COPG2: variants seen among roughly 807,000 people sequenced by gnomAD.
The protein encoded by COPG2 is coat protein complex I subunit gamma 2.
A neutral mutation model predicts 46.3 loss-of-function variants in COPG2; 37 were observed. The observed-to-expected ratio is 0.80, with a 90% confidence interval of 0.61 to 1.05. The LOEUF (loss-of-function observed/expected upper bound fraction) is 1.05, where lower values mean the gene tolerates loss of function less well. COPG2 is among the 50% of genes least tolerant of loss of function. The pLI, the probability that COPG2 is intolerant of heterozygous loss-of-function variation, is 0.00. For synonymous variants in COPG2, 159 were observed against 129.7 expected, an observed-to-expected ratio of 1.23 and a Z score of -1.53; for missense variants, 427 against 387.8, an observed-to-expected ratio of 1.10 and a Z score of -0.85.
chr7:130,546,633 G>A (rs1448359220), intron 20 of COPG2, among the ~76,000 whole-genome samples: 1 of 152,134 alleles, frequency 6.6e-6, no homozygotes, highest in Non-Finnish European at 1.5e-5. Context: ...AATCTACCTC[G>A]TGCTAGAGTC....
At chr7:130,596,661 T>C (rs1189757134) in intron 9 of COPG2, among the ~76,000 whole-genome samples, 1 of 152,158 alleles carries the variant, frequency 6.6e-6, no homozygotes, top group Non-Finnish European at 1.5e-5. Context: ...GTCAAGAGCC[T>C]GGACACTGGC....
chr7:130,615,752 T>C (rs1584581350), intron 6 of COPG2, among the ~76,000 whole-genome samples: 1 of 152,150 alleles, frequency 6.6e-6, no homozygotes, highest in Non-Finnish European at 1.5e-5. Flanking sequence ...TACTGTTTGG[T>C]GGCCAAGAGT....
chr7:130,539,067 G>A (rs1364276574), intron 20 of COPG2, among the ~76,000 whole-genome samples: 1 of 152,146 alleles, frequency 6.6e-6, no homozygotes, highest in Admixed American at 6.5e-5. Flanking sequence ...AGGAAAGGCA[G>A]AACAGGATGG....
At chr7:130,527,298 C>A (rs1196030932) in intron 20 of COPG2, among the ~76,000 whole-genome samples, 1 of 151,302 alleles carries the variant, frequency 6.6e-6, no homozygotes, top group South Asian at 2.1e-4. Flanking sequence ...AAGGTGATTT[C>A]AAGCAGAGAG....
chr7:130,545,383 A>G (rs1437499702), intron 20 of COPG2, among the ~76,000 whole-genome samples: 1 of 152,174 alleles, frequency 6.6e-6, no homozygotes, highest in Non-Finnish European at 1.5e-5. Flanking sequence ...CACTGCGATT[A>G]TAAGGAAAAA....
intron 9 of COPG2, among the ~76,000 whole-genome samples, chr7:130,596,048 G>A (rs1554449639): frequency 6.6e-6 from 1 of 152,190 alleles, no homozygotes; most frequent in African/African-American, 2.4e-5. Context: ...GAGGTGGGAA[G>A]GCTTTGACCT....
chr7:130,513,306 AAAATATATATATATATATAT>A (rs1397234509), intron 20 of COPG2, among the ~76,000 whole-genome samples: 3 of 49,034 alleles, frequency 6.1e-5, no homozygotes, highest in African/African-American at 1.8e-4. Flanking sequence ...AAAAAAAAAA[AAAATATATATATATATATAT>A]ATATATATAT....
At chr7:130,611,543 C>T (rs1354088136) in intron 8 of COPG2, among the ~76,000 whole-genome samples, 2 of 152,146 alleles carry the variant, frequency 1.3e-5, no homozygotes, top group African/African-American at 4.8e-5. Context: ...TGTATAAAAA[C>T]ACATGATCAG....
chr7:130,633,036 T>C (rs1280903561), intron 5 of COPG2, among the ~76,000 whole-genome samples: 3 of 152,142 alleles, frequency 2.0e-5, no homozygotes, highest in Non-Finnish European at 2.9e-5. Context: ...AGAATGATGG[T>C]TTCCAGCTTT....
intron 9 of COPG2, 105 bp downstream of exon 9, chr7:130,610,848 T>C (rs1220570366): frequency 9.1e-7 from 1 of 1,096,814 alleles, no homozygotes; most frequent in African/African-American, 1.5e-5. Flanking sequence ...TGAACTCATC[T>C]GTAAAGTTAG....
intron 9 of COPG2, among the ~76,000 whole-genome samples, chr7:130,568,747 T>G (rs1793846385): frequency 6.6e-6 from 1 of 152,140 alleles, no homozygotes; most frequent in Non-Finnish European, 1.5e-5. Flanking sequence ...ACCCAACAAC[T>G]GCAGAATATA....
rs1793748256 is a variant in COPG2 at position 130,563,345 on chromosome 7, A to AAT, written c.872-10_872-9insAT. ...ACAGAAAAGTTGAAGAACTAAAAAA[A>AAT]AATAATAATAATAATATGTAACATT... is the stretch of plus-strand genomic sequence containing the variant. On this transcript the variant is annotated splice_polypyrimidine_tract_variant and intron_variant, in intron 10 of 23. Transcript: ENST00000425248. 9 of 396,916 alleles carry AAT rather than the reference A, an allele frequency of 2.3e-5. No individual in the cohort carries two copies. The highest frequency in any genetic ancestry group is 1.3e-4 in the Admixed American group (3 of 22,674). 24.6% of individuals were successfully genotyped at this position (396,916 alleles called of 1,614,324 possible).
chr7:130,614,477 T>A (rs1161286895), intron 6 of COPG2, among the ~76,000 whole-genome samples: 1 of 152,328 alleles, frequency 6.6e-6, no homozygotes. Context: ...CATGGGTATA[T>A]AGCTATTATT....
At chr7:130,531,364 A>AG (rs1314130642) in intron 20 of COPG2, among the ~76,000 whole-genome samples, 1 of 152,074 alleles carries the variant, frequency 6.6e-6, no homozygotes, top group African/African-American at 2.4e-5. Context: ...GGTCAAGGTA[A>AG]GGGGCTGGAT....
chr7:130,526,812 G>A (rs894705764), intron 20 of COPG2, among the ~76,000 whole-genome samples: 3 of 150,264 alleles, frequency 2.0e-5, no homozygotes. Flanking sequence ...CTACGGATCC[G>A]GCGGGAAAGG....
chr7:130,622,673 C>T (rs1795059176), intron 5 of COPG2, among the ~76,000 whole-genome samples: 1 of 152,154 alleles, frequency 6.6e-6, no homozygotes, highest in Admixed American at 6.5e-5. Context: ...TATTCATCAT[C>T]TCCTTCCTAA....
chr7:130,565,093 C>A (rs1195442352), intron 9 of COPG2, among the ~76,000 whole-genome samples: 4 of 152,168 alleles, frequency 2.6e-5, no homozygotes, highest in Non-Finnish European at 5.9e-5. Flanking sequence ...TCTGGGGATA[C>A]AGAAGGTCAT....
At chr7:130,512,633 A>C (rs1222662245) in intron 20 of COPG2, among the ~76,000 whole-genome samples, 2 of 151,910 alleles carry the variant, frequency 1.3e-5, no homozygotes, top group Non-Finnish European at 2.9e-5. Flanking sequence ...TTTTTGTAAA[A>C]ATACAAAAAT....
chr7:130,658,141 C>T (rs1409583550), intron 4 of COPG2, among the ~76,000 whole-genome samples: 1 of 152,120 alleles, frequency 6.6e-6, no homozygotes, highest in Non-Finnish European at 1.5e-5. Flanking sequence ...TGGTAACAAG[C>T]CAAATATCCT....
Sources: allele counts gnomAD v4.1 joint callset (sites outside exome capture counted in the v4.1 genomes callset), GRCh38; gene constraint gnomAD v4.1.1; transcripts MANE v1.5; gene names NCBI Gene and HGNC (gene_info 2026-07-23, HGNC 2026-07-21).